Variants in NAALADL2 observed in about 807,000 individuals in gnomAD.
NAALADL2 encodes the protein N-acetylated alpha-linked acidic dipeptidase like 2.
Under a neutral mutation model 87.2 loss-of-function variants are expected in NAALADL2, and 76 were observed. The observed-to-expected ratio is 0.87, with a 90% CI of 0.72 to 1.05. NAALADL2 has a LOEUF of 1.05. Ranked by LOEUF, NAALADL2 falls within the 50% of genes least tolerant of loss-of-function variation. The pLI is 0.00. For missense variants in NAALADL2, 1,089 were observed against 945.8 expected, an observed-to-expected ratio of 1.15 and a Z score of -1.99; for synonymous variants, 354 against 331.0, an observed-to-expected ratio of 1.07 and a Z score of -0.75.
chr3:175,065,551 C>G (rs1714389190), intron 1 of NAALADL2, among the ~76,000 whole-genome samples: 1 of 152,170 alleles, frequency 6.6e-6, no homozygotes, highest in Non-Finnish European at 1.5e-5. Flanking sequence ...CTACCAGTCC[C>G]ATCTCTGTCA....
chr3:175,036,092 T>C (rs1298031238), intron 1 of NAALADL2, among the ~76,000 whole-genome samples: 1 of 152,210 alleles, frequency 6.6e-6, no homozygotes, highest in African/African-American at 2.4e-5. Flanking sequence ...TTACTTCATT[T>C]ATGGTAAGAT....
chr3:175,036,496 T>C (rs1178044651), intron 1 of NAALADL2, among the ~76,000 whole-genome samples: 1 of 151,804 alleles, frequency 6.6e-6, no homozygotes, highest in Admixed American at 6.6e-5. Flanking sequence ...GCCTCCCAGG[T>C]TCACACTATT....
intron 2 of NAALADL2, among the ~76,000 whole-genome samples, chr3:175,130,485 C>T (rs889684002): frequency 1.3e-5 from 2 of 152,146 alleles, no homozygotes; most frequent in African/African-American, 2.4e-5. Context: ...GGTCTTACCT[C>T]GAAGTTTTTA....
At chr3:175,676,480 T>A (rs1050578184) in intron 11 of NAALADL2, 8 of 152,226 alleles carry the variant, frequency 5.3e-5, no homozygotes, top group Non-Finnish European at 1.2e-4. Flanking sequence ...TCAGGAAAGT[T>A]CTGTTTTGCA....
chr3:175,782,168 G>A (rs1490881656), intron 13 of NAALADL2, among the ~76,000 whole-genome samples: 60 of 146,226 alleles, frequency 4.1e-4, no homozygotes, highest in East Asian at 1.4e-3. Context: ...ATAAACATAC[G>A]TGTGCATGTG....
intron 9 of NAALADL2, among the ~76,000 whole-genome samples, chr3:175,556,472 C>A (rs1230475716): frequency 4.6e-5 from 7 of 152,032 alleles, no homozygotes; most frequent in African/African-American, 7.2e-5. Context: ...AGATAATATA[C>A]CTTAAAAAAT....
At chr3:174,848,008 T>TA (rs1187755654) in intron 3 of NAALADL2, among the ~76,000 whole-genome samples, 1 of 112,378 alleles carries the variant, frequency 8.9e-6, no homozygotes, top group Non-Finnish European at 2.0e-5. Flanking sequence ...TTTCTCTCTC[T>TA]TTTTTTTTTT....
At chr3:175,684,866 G>T (rs536135336) in intron 11 of NAALADL2, among the ~76,000 whole-genome samples, 1 of 152,144 alleles carries the variant, frequency 6.6e-6, no homozygotes, top group Non-Finnish European at 1.5e-5. Flanking sequence ...AGTAAAATAT[G>T]AGTTAGAAAA....
intron 1 of NAALADL2, among the ~76,000 whole-genome samples, chr3:174,462,903 C>T (rs1316943657): frequency 6.6e-6 from 1 of 152,112 alleles, no homozygotes; most frequent in African/African-American, 2.4e-5. Context: ...TTCAGTAATC[C>T]TCTTTGCTTC....
chr3:175,248,022 T>C (rs1203142465), intron 3 of NAALADL2, among the ~76,000 whole-genome samples: 1 of 152,222 alleles, frequency 6.6e-6, no homozygotes, highest in African/African-American at 2.4e-5. Context: ...CTCTGCACCA[T>C]CTGCTTAATC....
chr3:174,512,632 TG>T (rs1719671690), intron 1 of NAALADL2, among the ~76,000 whole-genome samples: 1 of 152,154 alleles, frequency 6.6e-6, no homozygotes, highest in African/African-American at 2.4e-5. Context: ...ATCTCAGTAT[TG>T]TTTCCCACAA....
intron 1 of NAALADL2, among the ~76,000 whole-genome samples, chr3:174,898,147 A>G (rs1191182340): frequency 6.7e-6 from 1 of 148,242 alleles, no homozygotes; most frequent in Non-Finnish European, 1.5e-5. Context: ...AAAAAAAGAA[A>G]AAAAGAATGA....
intron 2 of NAALADL2, among the ~76,000 whole-genome samples, chr3:175,127,285 C>G (rs1580590861): frequency 6.6e-6 from 1 of 152,120 alleles, no homozygotes; most frequent in African/African-American, 2.4e-5. Flanking sequence ...TATATCCCAG[C>G]CTGTGGTACC....
intron 11 of NAALADL2, among the ~76,000 whole-genome samples, chr3:175,629,305 GAC>G (rs1044780736): frequency 2.0e-5 from 3 of 147,430 alleles, no homozygotes; most frequent in Non-Finnish European, 3.0e-5. Flanking sequence ...GACACACATA[GAC>G]ACACACATAA....
chr3:175,802,345 GCT>G (rs1160905711), intron 13 of NAALADL2, among the ~76,000 whole-genome samples: 2 of 150,868 alleles, frequency 1.3e-5, no homozygotes, highest in African/African-American at 2.4e-5. Context: ...GGACAATTTT[GCT>G]CTGTTATGGA....
At chr3:175,045,834 C>A (rs996413220) in intron 1 of NAALADL2, among the ~76,000 whole-genome samples, 10 of 152,090 alleles carry the variant, frequency 6.6e-5, no homozygotes, top group Admixed American at 4.6e-4. Flanking sequence ...AGGCTTTAAG[C>A]AAACCTGGCC....
intron 10 of NAALADL2, chr3:175,609,534 T>G (rs1724296563): frequency 6.6e-6 from 1 of 152,162 alleles, no homozygotes; most frequent in Non-Finnish European, 1.5e-5. Flanking sequence ...GCGCGATTAT[T>G]GCTAATTGAA....
intron 11 of NAALADL2, among the ~76,000 whole-genome samples, chr3:175,657,739 C>A (rs1433501450): frequency 6.8e-6 from 1 of 147,248 alleles, no homozygotes; most frequent in Non-Finnish European, 1.5e-5. Context: ...CGCCAACACG[C>A]CCGGCTAATT....
At chr3:175,046,266 G>A (rs890838979) in intron 1 of NAALADL2, among the ~76,000 whole-genome samples, 4 of 152,076 alleles carry the variant, frequency 2.6e-5, no homozygotes, top group African/African-American at 9.7e-5. Flanking sequence ...GGCTTTGGAT[G>A]GGCTTGAGAT....
Sources: allele counts gnomAD v4.1 joint callset (sites outside exome capture counted in the v4.1 genomes callset), GRCh38; gene constraint gnomAD v4.1.1; transcripts MANE v1.5; gene names NCBI Gene and HGNC (gene_info 2026-07-23, HGNC 2026-07-21).